UMODL1: variants seen among roughly 807,000 people sequenced by gnomAD.
The protein encoded by UMODL1 is uromodulin-like 1.
Under a neutral mutation model 136.3 loss-of-function variants are expected in UMODL1, and 128 were observed. The observed-to-expected ratio is 0.94, with a 90% CI of 0.81 to 1.09. UMODL1 has a LOEUF of 1.09. UMODL1 is among the 50% of genes least tolerant of loss of function. The pLI is 0.00. For missense variants in UMODL1, 1,766 were observed against 1,725.6 expected, an observed-to-expected ratio of 1.02 and a Z score of -0.41; for synonymous variants, 721 against 720.0, an observed-to-expected ratio of 1.00 and a Z score of -0.02.
At chr21:42,102,138 G>T in intron 7 of UMODL1, 28 bp from the exon 8 acceptor site, 2 of 1,556,858 alleles carry the variant, frequency 1.3e-6, no homozygotes, top group South Asian at 2.3e-5. Flanking sequence ...TTTGACCACA[G>T]GCTAATTTGT....
rs548706688 is a variant in UMODL1, at chr21:42,085,598, A to T, written c.603+186A>T. 2.5e-6 allele frequency: 2 copies of T among 790,502 alleles called. No individual in the cohort carries two copies. Among genetic ancestry groups the T allele is most frequent in the Non-Finnish European group, 4.0e-6 (2 of 505,434 alleles). 49.0% of individuals were successfully genotyped at this position (790,502 alleles called of 1,614,324 possible). A position where few individuals can be genotyped will look rare whatever the true frequency, so the allele number is the denominator to read the frequency against. Reference sequence around the variant, plus strand: ...TCAGCTTCAAAGAGGTATGATTTACATGCAACAAAATGCACACAACTGAAG... The same window carrying T: ...TCAGCTTCAAAGAGGTATGATTTACTTGCAACAAAATGCACACAACTGAAG... On this transcript the variant is annotated intron_variant, in intron 4 of 22. Transcript: ENST00000408910. The surrounding 1 kb of genome is among the most constrained non-coding windows in gnomAD (Gnocchi z 4.5).
intron 1 of UMODL1, among the ~76,000 whole-genome samples, chr21:42,073,633 G>A (rs1016435809): frequency 2.0e-5 from 3 of 152,196 alleles, no homozygotes; most frequent in Non-Finnish European, 4.4e-5. Flanking sequence ...GTGTTTGAGG[G>A]CTGGCTCTGC....
intron 14 of UMODL1, among the ~76,000 whole-genome samples, chr21:42,117,835 C>T (rs1159707946): frequency 6.6e-6 from 1 of 152,224 alleles, no homozygotes; most frequent in African/African-American, 2.4e-5. Flanking sequence ...ATCCTTCCAC[C>T]TGGCTCGAGT....
chr21:42,130,598 C>G (rs1227328336), intron 21 of UMODL1, among the ~76,000 whole-genome samples: 1 of 89,532 alleles, frequency 1.1e-5, no homozygotes, highest in Non-Finnish European at 2.5e-5. Flanking sequence ...AACCTCCTGG[C>G]AGCTAAGTGT....
intron 4 of UMODL1, among the ~76,000 whole-genome samples, 191 bp from the exon 5 acceptor site, chr21:42,088,103 A>C (rs977932440): frequency 6.6e-6 from 1 of 152,246 alleles, no homozygotes; most frequent in African/African-American, 2.4e-5. Flanking sequence ...ACTGAAAGGT[A>C]CTGATAGTTC....
rs183568919 is a variant in UMODL1, at chr21:42,112,923, C to A, written c.2105-650C>A. ...TACTTGTAGAAGATTTAGCCATCAC[C>A]AAACCCCCAGGTGACATCTCAGGAG... On this transcript the variant is annotated intron_variant, in intron 12 of 22. Transcript: ENST00000408910. The A allele has an allele frequency of 7.6e-3, 1,161 of 152,884 alleles. 5 individuals are homozygous for A. Among genetic ancestry groups the A allele is most frequent in the Non-Finnish European group, 0.012 (840 of 68,210 alleles). 9.5% of individuals were successfully genotyped at this position (152,884 alleles called of 1,614,324 possible).
chr21:42,123,300 A>G lies in UMODL1; in HGVS notation c.3147+150A>G, dbSNP rs2067005188. The G allele has an allele frequency of 1.1e-6, 1 of 925,596 alleles. No homozygotes were observed. Among genetic ancestry groups the G allele is most frequent in the Non-Finnish European group, 1.6e-6 (1 of 634,822 alleles). 57.3% of individuals were successfully genotyped at this position (925,596 alleles called of 1,614,324 possible). A position where few individuals can be genotyped will look rare whatever the true frequency, so the allele number is the denominator to read the frequency against. On this transcript the variant is annotated intron_variant, in intron 17 of 22. Coordinates refer to ENST00000408910, the MANE Select transcript of UMODL1 (RefSeq NM_001004416.3). The surrounding 1 kb of genome is among the most constrained non-coding windows in gnomAD (Gnocchi z 4.4). ...TCAGGACAGGGTTGAGTTCTCAACC[A>G]GGGACCAGCCTGCACCCCAGAATCG...
chr21:42,073,763 G>A (rs2066257339), intron 1 of UMODL1, among the ~76,000 whole-genome samples: 1 of 152,188 alleles, frequency 6.6e-6, no homozygotes, highest in Non-Finnish European at 1.5e-5. Flanking sequence ...AGCGAATAAG[G>A]ACAGCAGTGG....
chr21:42,127,915 A>G (rs2067083354), intron 20 of UMODL1, 84 bp downstream of exon 20: 1 of 1,586,664 alleles, frequency 6.3e-7, no homozygotes, highest in South Asian at 1.1e-5. Context: ...ATAAAAACCT[A>G]GGGCTCGAGT....
chr21:42,128,476 G>A (rs1305279147), intron 20 of UMODL1, among the ~76,000 whole-genome samples: 2 of 148,062 alleles, frequency 1.4e-5, no homozygotes, highest in East Asian at 4.3e-4. Flanking sequence ...CTCCTCGGAG[G>A]TAGTGCTTGT....
chr21:42,132,342 A>G (rs147157794), intron 21 of UMODL1, among the ~76,000 whole-genome samples: 55 of 151,426 alleles, frequency 3.6e-4, no homozygotes, highest in Non-Finnish European at 5.9e-4. Context: ...TCCATTGTTC[A>G]TCCATCCATC....
Position 42,126,341 on chromosome 21 carries a change from T to C in UMODL1, c.3148-4T>C, listed in dbSNP as rs780130500. The C allele has an allele frequency of 2.5e-5, 40 of 1,613,856 alleles. No homozygotes were observed. Among genetic ancestry groups the C allele is most frequent in the Non-Finnish European group, 6.8e-6 (8 of 1,179,976 alleles). On this transcript the variant is annotated splice_region_variant and splice_polypyrimidine_tract_variant and intron_variant, in intron 17 of 22. Coordinates refer to ENST00000408910, the MANE Select transcript of UMODL1 (RefSeq NM_001004416.3). ...GAGCTCCTCATGCTCCGCTTTGTGCTCAGAACATGACGAACACCGTGGTGA... is the reference window on the plus strand; with the variant it reads ...GAGCTCCTCATGCTCCGCTTTGTGCCCAGAACATGACGAACACCGTGGTGA...
intron 6 of UMODL1, among the ~76,000 whole-genome samples, chr21:42,091,062 C>G (rs973698803): frequency 1.3e-5 from 2 of 152,162 alleles, no homozygotes; most frequent in Non-Finnish European, 2.9e-5. Context: ...GGCTGGCTAA[C>G]CGGCACAGAA....
At chr21:42,077,196 A>C (rs901599571) in intron 2 of UMODL1, among the ~76,000 whole-genome samples, 5 of 151,894 alleles carry the variant, frequency 3.3e-5, no homozygotes, top group African/African-American at 9.7e-5. Flanking sequence ...GGCCAGGGTC[A>C]CTGAGACATA....
At chr21:42,064,186 G>A (rs2146401204) in intron 1 of UMODL1, among the ~76,000 whole-genome samples, 1 of 152,286 alleles carries the variant, frequency 6.6e-6, no homozygotes, top group Admixed American at 6.5e-5. Context: ...TGCCTCTGCA[G>A]GTCCCTCCTC....
Position 42,085,465 on chromosome 21 carries a change from G to A in UMODL1, c.603+53G>A. The A allele has an allele frequency of 6.2e-7, 1 of 1,611,658 alleles. No individual in the cohort carries two copies. Among genetic ancestry groups the A allele is most frequent in the Non-Finnish European group, 8.5e-7 (1 of 1,179,368 alleles). On this transcript the variant is annotated intron_variant, in intron 4 of 22. Transcript: ENST00000408910. This position sits in a 1 kb window ranked among gnomAD's most constrained non-coding sequence, Gnocchi z 4.5. ...CACCCTCCTTGTGGCAGCTGCTCAG[G>A]CAGACCCAGGTATGGGGCCGTGGAA...
intron 1 of UMODL1, among the ~76,000 whole-genome samples, chr21:42,074,975 CA>C (rs1189308539): frequency 6.6e-6 from 1 of 151,962 alleles, no homozygotes; most frequent in Non-Finnish European, 1.5e-5. Flanking sequence ...AATCTTGGCT[CA>C]CTGCAACCTC....
intron 21 of UMODL1, among the ~76,000 whole-genome samples, chr21:42,135,818 C>G (rs1312437906): frequency 2.0e-5 from 3 of 152,096 alleles, no homozygotes; most frequent in Non-Finnish European, 4.4e-5. Flanking sequence ...TGTTCAGCAC[C>G]CCAGGGATCC....
intron 2 of UMODL1, among the ~76,000 whole-genome samples, chr21:42,077,322 G>A (rs865936276): frequency 6.6e-5 from 10 of 151,874 alleles, no homozygotes; most frequent in Admixed American, 5.3e-4. Context: ...TAGAGAAAAC[G>A]CCATACTTTG....
Sources: gnomAD v4.1 joint callset for allele counts (sites outside exome capture counted in the v4.1 genomes callset) on GRCh38, gnomAD v4.1.1 for gene constraint, Gnocchi (gnomAD v3.1) non-coding constraint, MANE v1.5 for transcripts, NCBI Gene and HGNC (gene_info 2026-07-23, HGNC 2026-07-21) for gene names.